TPRG1: variants seen among roughly 807,000 people sequenced by gnomAD.
The protein encoded by TPRG1 is tumor protein p63 regulated 1.
In TPRG1, 29 loss-of-function variants were observed where a neutral mutation model predicts 29.3. The ratio of observed to expected loss-of-function variants is 0.99; its 90% CI spans 0.74 to 1.35. The LOEUF (loss-of-function observed/expected upper bound fraction) is 1.35, where lower values mean the gene tolerates loss of function less well. Among genes scored for constraint, TPRG1 ranks in the 40% most tolerant of loss-of-function variants. The probability of loss-of-function intolerance (pLI) is 0.00; values close to 1 mark genes in which losing one functional copy is unlikely to be tolerated. For synonymous variants in TPRG1, 130 were observed against 116.8 expected, an observed-to-expected ratio of 1.11 and a Z score of -0.73; for missense variants, 327 against 335.0, an observed-to-expected ratio of 0.98 and a Z score of 0.19.
At chr3:189,090,764 GT>G (rs1451415736) in intron 4 of TPRG1, among the ~76,000 whole-genome samples, 1 of 151,694 alleles carries the variant, frequency 6.6e-6, no homozygotes, top group Non-Finnish European at 1.5e-5. Flanking sequence ...GGATCTTTCT[GT>G]TTTAGGTATA....
rs1429065667 is a variant in TPRG1 at position 189,249,175 on chromosome 3, A to G, written c.479+10266A>G. ...TTATATACATGTAATGTTTATATATATGGCTACTTGATTTGTCATAGATTG... is the reference window on the plus strand; with the variant it reads ...TTATATACATGTAATGTTTATATATGTGGCTACTTGATTTGTCATAGATTG... On this transcript the variant is annotated intron_variant, in intron 4 of 5. Transcript: ENST00000345063. Among the ~76,000 whole-genome samples, 12 of 151,832 alleles carry G rather than the reference A, an allele frequency of 7.9e-5. No homozygotes were observed. The East Asian group carries it at 2.3e-3, about 29-fold the overall frequency.
At chr3:189,061,966 A>G (rs191956325) in intron 4 of TPRG1, among the ~76,000 whole-genome samples, 29 of 152,332 alleles carry the variant, frequency 1.9e-4, no homozygotes, top group Admixed American at 4.6e-4. Context: ...AAATCATTCT[A>G]CCATAAAGAC....
At chr3:189,025,190 C>A (rs1037679417) in intron 4 of TPRG1, among the ~76,000 whole-genome samples, 4 of 152,254 alleles carry the variant, frequency 2.6e-5, no homozygotes, top group African/African-American at 9.6e-5. Context: ...CCACACAGCT[C>A]TGTGTGTTGG....
At chr3:189,221,480 G>A (rs1736931544) in intron 3 of TPRG1, among the ~76,000 whole-genome samples, 1 of 152,164 alleles carries the variant, frequency 6.6e-6, no homozygotes, top group Admixed American at 6.5e-5. Flanking sequence ...GGCATTCCCT[G>A]AAGAGCATGC....
At chr3:189,227,799 G>A (rs1039808119) in intron 3 of TPRG1, among the ~76,000 whole-genome samples, 1 of 152,142 alleles carries the variant, frequency 6.6e-6, no homozygotes, top group African/African-American at 2.4e-5. Context: ...AGAGACCCTG[G>A]CTCTAAAATT....
intron 1 of TPRG1, among the ~76,000 whole-genome samples, chr3:189,101,981 G>A (rs1719260160): frequency 2.0e-5 from 3 of 151,988 alleles, no homozygotes; most frequent in Admixed American, 6.6e-5. Context: ...ACAAATAGAG[G>A]TACTGAGTTG....
At chr3:189,263,439 A>G (rs913274380) in intron 4 of TPRG1, among the ~76,000 whole-genome samples, 1 of 152,202 alleles carries the variant, frequency 6.6e-6, no homozygotes, top group Non-Finnish European at 1.5e-5. Flanking sequence ...AGGACATCAA[A>G]GTGGAGATTA....
intron 4 of TPRG1, among the ~76,000 whole-genome samples, chr3:189,043,251 C>A (rs1714744960): frequency 6.6e-6 from 1 of 152,128 alleles, no homozygotes. Flanking sequence ...ACATAAAATT[C>A]TTTCTTTGGG....
At chr3:189,113,810 C>G (rs1326423763) in intron 1 of TPRG1, among the ~76,000 whole-genome samples, 1 of 151,796 alleles carries the variant, frequency 6.6e-6, no homozygotes, top group Non-Finnish European at 1.5e-5. Flanking sequence ...GGAGATATAC[C>G]TAATGCTAAA....
intron 3 of TPRG1, among the ~76,000 whole-genome samples, chr3:189,133,790 G>A (rs1723389139): frequency 6.6e-6 from 1 of 152,124 alleles, no homozygotes; most frequent in South Asian, 2.1e-4. Context: ...TACAGGAGAG[G>A]GTTGTGTTAA....
intron 4 of TPRG1, among the ~76,000 whole-genome samples, chr3:189,088,992 CTATCTA>C (rs1718159133): frequency 1.3e-5 from 2 of 151,948 alleles, no homozygotes; most frequent in Non-Finnish European, 2.9e-5. Flanking sequence ...ATCTATCTAT[CTATCTA>C]TCTATCTATC....
At chr3:189,141,220 A>T (rs1724507476) in intron 3 of TPRG1, among the ~76,000 whole-genome samples, 1 of 152,204 alleles carries the variant, frequency 6.6e-6, no homozygotes. Flanking sequence ...AAAGTTCTGT[A>T]AGTTGTATGG....
chr3:189,245,306 G>A (rs139719547), intron 4 of TPRG1, among the ~76,000 whole-genome samples: 51 of 152,110 alleles, frequency 3.4e-4, no homozygotes, highest in African/African-American at 1.1e-3. Flanking sequence ...TGCAGCCCAA[G>A]GTTATTGATT....
intron 4 of TPRG1, among the ~76,000 whole-genome samples, chr3:189,024,898 A>T (rs1008156091): frequency 6.6e-6 from 1 of 152,156 alleles, no homozygotes; most frequent in Non-Finnish European, 1.5e-5. Context: ...TGTCCAAATG[A>T]CAGAGCCCCC....
At chr3:189,222,104 G>A (rs878957413) in intron 3 of TPRG1, among the ~76,000 whole-genome samples, 1 of 152,102 alleles carries the variant, frequency 6.6e-6, no homozygotes. Flanking sequence ...CATTGGGCAG[G>A]TTCAGGGACC....
At chr3:189,104,150 G>GC (rs954708201) in intron 1 of TPRG1, among the ~76,000 whole-genome samples, 27 of 152,040 alleles carry the variant, frequency 1.8e-4, no homozygotes, top group Non-Finnish European at 3.7e-4. Flanking sequence ...CCTGGTAGAT[G>GC]CCCCCCAACA....
At chr3:189,051,140 A>G (rs1199468383) in intron 4 of TPRG1, among the ~76,000 whole-genome samples, 1 of 152,226 alleles carries the variant, frequency 6.6e-6, no homozygotes, top group Non-Finnish European at 1.5e-5. Flanking sequence ...GAGGAAGTCA[A>G]AATGTCACTG....
chr3:189,059,033 C>T (rs1715917172), intron 4 of TPRG1, among the ~76,000 whole-genome samples: 1 of 152,046 alleles, frequency 6.6e-6, no homozygotes, highest in Non-Finnish European at 1.5e-5. Context: ...TAGGGTGTCC[C>T]AGGGCAGAGT....
At chr3:189,196,802 GTGTT>G (rs1732611557) in intron 1 of TPRG1, among the ~76,000 whole-genome samples, 1 of 152,190 alleles carries the variant, frequency 6.6e-6, no homozygotes, top group African/African-American at 2.4e-5. Flanking sequence ...GTTCAATAAA[GTGTT>G]TATTAATAAA....
Sources: allele counts gnomAD v4.1 joint callset (sites outside exome capture counted in the v4.1 genomes callset), GRCh38; gene constraint gnomAD v4.1.1; transcripts MANE v1.5; gene names NCBI Gene and HGNC (gene_info 2026-07-23, HGNC 2026-07-21).